The following SPECC1 variants were observed in gnomAD, a reference collection of about 807,000 sequenced individuals.
SPECC1 encodes cytospin-B.
SPECC1 carries 62 observed loss-of-function variants against 104.1 expected under a neutral mutation model. The observed-to-expected ratio is 0.60, with a 90% CI of 0.49 to 0.74. The LOEUF is 0.74. Ranked by LOEUF, SPECC1 falls within the 30% of genes least tolerant of loss-of-function variation. The pLI is 0.00. For missense variants in SPECC1, 1,306 were observed against 1,310.5 expected (o/e 1.00, Z 0.05); for synonymous variants, 513 against 501.6 (o/e 1.02, Z -0.30).
Position 20,220,575 on chromosome 17 carries a change from T to G in SPECC1, c.1864-6838T>G, listed in dbSNP as rs934367527. Among the ~76,000 whole-genome samples the G allele has an allele frequency of 1.9e-3, 242 of 128,130 alleles. 2 individuals are homozygous for G. The highest frequency in any genetic ancestry group is 6.4e-3 in the African/African-American group (226 of 35,316). The allele number at this position is 128,130 out of a possible 152,430, so 84.1% of individuals were successfully genotyped here. A position where few individuals can be genotyped will look rare whatever the true frequency, so the allele number is the denominator to read the frequency against. On this transcript the variant is annotated intron_variant, in intron 4 of 14. Transcript: ENST00000395527. Reference sequence around the variant, plus strand: ...TCTTAATAGTTTTTTTTTTTTTTTTTTTTGTGGAGGCTAGTTTTTTCCAGA... The same window carrying G: ...TCTTAATAGTTTTTTTTTTTTTTTTGTTTGTGGAGGCTAGTTTTTTCCAGA...
At chr17:20,067,203 C>T (rs2046389348) in intron 1 of SPECC1, 1 of 151,722 alleles carries the variant, frequency 6.6e-6, no homozygotes, top group Admixed American at 6.6e-5. Flanking sequence ...GATGTAGATT[C>T]CAATGATGTC....
intron 3 of SPECC1, among the ~76,000 whole-genome samples, chr17:20,163,678 A>C (rs2033381250): frequency 6.6e-6 from 1 of 151,434 alleles, no homozygotes; most frequent in Non-Finnish European, 1.5e-5. Context: ...CTCTCACTGC[A>C]GCCTCCCGAG....
rs564215700 is a variant in SPECC1 at position 20,200,545 on chromosome 17, G to T, written c.284-3788G>T. On this transcript the variant is annotated intron_variant, in intron 3 of 14. Coordinates refer to ENST00000395527, the MANE Select transcript of SPECC1 (RefSeq NM_001243439.2). ...TGGCTGAGCCAATCCCTGTTCCACT[G>T]GCCCTTCTCTCCACTGTCCCTTATG... Among the ~76,000 whole-genome samples the T allele has an allele frequency of 2.6e-5, 4 of 152,266 alleles. No homozygotes were observed. In the South Asian group the frequency reaches 8.3e-4, roughly 32 times the overall value.
intron 1 of SPECC1, among the ~76,000 whole-genome samples, chr17:20,020,917 A>G (rs779178991): frequency 6.6e-6 from 1 of 152,210 alleles, no homozygotes; most frequent in Non-Finnish European, 1.5e-5. Flanking sequence ...AAATCTGTGT[A>G]TAACTTTTGA....
chr17:20,271,510 G>A (rs913671356), intron 12 of SPECC1, among the ~76,000 whole-genome samples: 9 of 151,974 alleles, frequency 5.9e-5, no homozygotes, highest in East Asian at 1.9e-4. Context: ...ACTTAAAATC[G>A]TCTTGTTTTT....
At chr17:20,132,426 T>C (rs1260065853) in intron 3 of SPECC1, among the ~76,000 whole-genome samples, 1 of 152,164 alleles carries the variant, frequency 6.6e-6, no homozygotes, top group East Asian at 1.9e-4. Context: ...TCCTAACTTT[T>C]CTTTTTTTCT....
chr17:20,240,370 C>T (rs531896075), intron 7 of SPECC1, among the ~76,000 whole-genome samples: 4 of 151,624 alleles, frequency 2.6e-5, no homozygotes, highest in African/African-American at 9.7e-5. Context: ...CGGTTGTATC[C>T]CCTATATTAT....
chr17:20,175,983 A>G (rs1247354563), intron 3 of SPECC1, among the ~76,000 whole-genome samples: 1 of 152,248 alleles, frequency 6.6e-6, no homozygotes, highest in Non-Finnish European at 1.5e-5. Context: ...ATTAGGCCTG[A>G]TTTAAACTAT....
intron 3 of SPECC1, among the ~76,000 whole-genome samples, chr17:20,175,863 C>T (rs1236169934): frequency 6.6e-6 from 1 of 152,190 alleles, no homozygotes; most frequent in African/African-American, 2.4e-5. Context: ...AGTCTGTGAA[C>T]TTCTCCTGTG....
intron 2 of SPECC1, among the ~76,000 whole-genome samples, chr17:20,103,067 A>T (rs1391738181): frequency 6.6e-6 from 1 of 152,218 alleles, no homozygotes; most frequent in Non-Finnish European, 1.5e-5. Flanking sequence ...CAGAGCCAGG[A>T]TTCAGACCCA....
rs116922417 is a variant in SPECC1 at position 20,167,898 on chromosome 17, A to C, written c.284-36435A>C. On this transcript the variant is annotated intron_variant, in intron 3 of 14. Coordinates refer to ENST00000395527, the MANE Select transcript of SPECC1 (RefSeq NM_001243439.2). Reference sequence around the variant, plus strand: ...ATTAACATATGCTAGAAAAACTATAACTTGTACATTTAATCTATGTCTGTT... The same window carrying C: ...ATTAACATATGCTAGAAAAACTATACCTTGTACATTTAATCTATGTCTGTT... Among the ~76,000 whole-genome samples, 259 of 152,362 alleles carry C rather than the reference A, an allele frequency of 1.7e-3. 1 individual carries two copies. The Middle Eastern group carries it at 0.017, about 10-fold the overall frequency.
intron 12 of SPECC1, among the ~76,000 whole-genome samples, chr17:20,285,862 G>A (rs1351069412): frequency 6.7e-6 from 1 of 150,220 alleles, no homozygotes; most frequent in Admixed American, 6.6e-5. Context: ...ACCCAGGTTG[G>A]AGTGAAGTGA....
chr17:20,214,633 G>C (rs2037369198), intron 4 of SPECC1, among the ~76,000 whole-genome samples: 1 of 152,140 alleles, frequency 6.6e-6, no homozygotes, highest in South Asian at 2.1e-4. Flanking sequence ...TCAGCCTCCT[G>C]AGTAGCTGGG....
At chr17:20,289,482 T>C (rs2041084027) in intron 12 of SPECC1, among the ~76,000 whole-genome samples, 2 of 152,290 alleles carry the variant, frequency 1.3e-5, no homozygotes, top group East Asian at 3.9e-4. Flanking sequence ...TTTGTATTTT[T>C]AGTAGAGATG....
intron 14 of SPECC1, among the ~76,000 whole-genome samples, chr17:20,310,705 C>T (rs1177490412): frequency 6.6e-6 from 1 of 152,228 alleles, no homozygotes; most frequent in Non-Finnish European, 1.5e-5. Context: ...CCCACCAGGA[C>T]AGCTGCTGCA....
chr17:20,300,574 T>C (rs1300004657), intron 13 of SPECC1, among the ~76,000 whole-genome samples: 1 of 152,226 alleles, frequency 6.6e-6, no homozygotes, highest in Non-Finnish European at 1.5e-5. Flanking sequence ...ATGGCTGTAT[T>C]GGAAAATTAT....
In SPECC1 at chr17:20,096,628, C is replaced by G. The variant is rs138924355; in HGVS notation, c.-21-3C>G. On this transcript the variant is annotated splice_polypyrimidine_tract_variant and splice_region_variant and intron_variant, in intron 1 of 14. Coordinates refer to ENST00000395527, the MANE Select transcript of SPECC1 (RefSeq NM_001243439.2). ...CATGTTTTTCTTTTCTGCTCTTTTG[C>G]AGGACAGACCCACGAAGTCAAGCAT... 386 of 1,594,476 alleles carry G rather than the reference C, an allele frequency of 2.4e-4. 3 individuals are homozygous for G. In the African/African-American group the frequency reaches 4.7e-3, roughly 19 times the overall value.
chr17:20,208,185 A>G (rs1018378645), intron 4 of SPECC1, among the ~76,000 whole-genome samples: 8 of 152,244 alleles, frequency 5.3e-5, no homozygotes, highest in African/African-American at 1.9e-4. Flanking sequence ...CATGCTAACT[A>G]GAAGTATCAA....
chr17:20,215,039 A>C (rs1351408468), intron 4 of SPECC1, among the ~76,000 whole-genome samples: 1 of 152,276 alleles, frequency 6.6e-6, no homozygotes, highest in Non-Finnish European at 1.5e-5. Context: ...CCAGGCCTGC[A>C]AGCCCAGGCT....
Sources: allele counts gnomAD v4.1 joint callset (sites outside exome capture counted in the v4.1 genomes callset), GRCh38; gene constraint gnomAD v4.1.1; transcripts MANE v1.5; gene names NCBI Gene and HGNC (gene_info 2026-07-23, HGNC 2026-07-21).